Variants in CHLSN observed in about 807,000 individuals in gnomAD.
CHLSN encodes protein cholesin.
At chr7:990,828 G>A in the CHLSN span, among the ~76,000 whole-genome samples, 11 of 152,112 alleles carry the variant, frequency 7.2e-5, no homozygotes, top group Non-Finnish European at 1.2e-4. Flanking sequence ...GCGACGCCCC[G>A]CCCAGTGTGA....
At chr7:1,093,501 G>A in the CHLSN span, 892 of 470,556 alleles carry the variant, frequency 1.9e-3, 6 homozygotes, top group African/African-American at 0.011. Flanking sequence ...AGCAGCGCTC[G>A]GCCCGGAGCA....
chr7:1,108,329 G>A, the CHLSN span, among the ~76,000 whole-genome samples: 2 of 150,424 alleles, frequency 1.3e-5, no homozygotes, highest in Non-Finnish European at 3.0e-5. Context: ...CCCGCGCCCC[G>A]GGAGGAAGCA....
At chr7:1,012,029 G>A in the CHLSN span, among the ~76,000 whole-genome samples, 1 of 152,292 alleles carries the variant, frequency 6.6e-6, no homozygotes, top group Admixed American at 6.5e-5. Flanking sequence ...CCAGCTCCAT[G>A]CTCACCTCCT....
the CHLSN span, among the ~76,000 whole-genome samples, chr7:1,017,889 C>T: frequency 3.3e-5 from 5 of 152,236 alleles, no homozygotes; most frequent in Non-Finnish European, 7.3e-5. Context: ...GGCGCCTCGC[C>T]TTTCCCATGC....
chr7:1,052,415 TGAG>T, the CHLSN span, among the ~76,000 whole-genome samples: 2 of 151,700 alleles, frequency 1.3e-5, no homozygotes, highest in African/African-American at 4.8e-5. This position sits in a 1 kb window ranked among gnomAD's most constrained non-coding sequence, Gnocchi z 4.2. Flanking sequence ...TGGCAGGTCT[TGAG>T]GAGTCGTGGG....
At chr7:1,017,184 T>C in the CHLSN span, among the ~76,000 whole-genome samples, 38 of 152,140 alleles carry the variant, frequency 2.5e-4, no homozygotes, top group African/African-American at 9.2e-4. Context: ...AGGCTCAGGC[T>C]CCCTGGGGAA....
the CHLSN span, among the ~76,000 whole-genome samples, chr7:1,086,313 ACT>A: frequency 1.3e-5 from 2 of 152,128 alleles, no homozygotes; most frequent in African/African-American, 2.4e-5. Flanking sequence ...CTTTCTCATG[ACT>A]CACATCTTTC....
chr7:1,084,249 G>A, the CHLSN span, among the ~76,000 whole-genome samples: 16 of 152,356 alleles, frequency 1.1e-4, no homozygotes, highest in South Asian at 2.7e-3. Flanking sequence ...TCGGATGCCC[G>A]AGGGTGCTCC....
At chr7:983,168 G>C in the CHLSN span, 3 of 1,434,134 alleles carry the variant, frequency 2.1e-6, no homozygotes, top group Non-Finnish European at 2.8e-6. Context: ...GTGCGGGGGG[G>C]ACGGGGCCCA....
chr7:988,798 C>G, the CHLSN span: 4 of 1,590,114 alleles, frequency 2.5e-6, no homozygotes, highest in East Asian at 9.0e-5. Context: ...GGGCCCAGGC[C>G]CTGTGTGCGG....
the CHLSN span, among the ~76,000 whole-genome samples, chr7:1,001,940 G>A: frequency 1.2e-5 from 1 of 84,734 alleles, no homozygotes; most frequent in Admixed American, 1.2e-4. Flanking sequence ...TGCGGGTGGG[G>A]AGTCCTGTGG....
At chr7:1,095,426 TG>T in the CHLSN span, among the ~76,000 whole-genome samples, 2 of 152,124 alleles carry the variant, frequency 1.3e-5, no homozygotes, top group African/African-American at 4.8e-5. Context: ...GTGTTGCTGA[TG>T]GGGAAAAACC....
the CHLSN span, chr7:1,058,484 G>C: frequency 1.3e-6 from 1 of 780,122 alleles, no homozygotes; most frequent in Non-Finnish European, 2.4e-6. Flanking sequence ...ACTGCTCCCC[G>C]GACCACATGG....
chr7:1,001,646 T>C, the CHLSN span, among the ~76,000 whole-genome samples: 6 of 112,354 alleles, frequency 5.3e-5, no homozygotes, highest in East Asian at 3.0e-4. Flanking sequence ...GGGAGTCCTG[T>C]GGGTGAGTGG....
chr7:1,092,643 G>A, the CHLSN span: 46 of 1,612,614 alleles, frequency 2.9e-5, no homozygotes, highest in East Asian at 4.9e-4. Context: ...ACCCCCTCAC[G>A]GGCCACATTG....
chr7:1,132,145 G>C, the CHLSN span, among the ~76,000 whole-genome samples: 1 of 152,200 alleles, frequency 6.6e-6, no homozygotes, highest in East Asian at 1.9e-4. Context: ...CCTTGGATTA[G>C]GCAATGGCCT....
At chr7:1,041,140 G>T in the CHLSN span, among the ~76,000 whole-genome samples, 2 of 147,198 alleles carry the variant, frequency 1.4e-5, no homozygotes, top group African/African-American at 5.0e-5. Flanking sequence ...ACTGCAGGAG[G>T]GAGGGAGGCC....
At chr7:1,041,309 G>GCACTGCAGGGAACGGGACCTGGGC in the CHLSN span, among the ~76,000 whole-genome samples, 304 of 43,148 alleles carry the variant, frequency 7.0e-3, 27 homozygotes, top group Admixed American at 0.019. Context: ...GGGACCTGGG[G>GCACTGCAGGGAACGGGACCTGGGC]TCCGCGCTGC....
chr7:1,015,290 G>A, the CHLSN span, among the ~76,000 whole-genome samples: 6 of 151,876 alleles, frequency 4.0e-5, no homozygotes, highest in Admixed American at 6.6e-5. Flanking sequence ...TGGGCTCCCC[G>A]TCCCCCGGGC....
Sources: allele counts gnomAD v4.1 joint callset (sites outside exome capture counted in the v4.1 genomes callset), GRCh38; gene constraint gnomAD v4.1.1; non-coding constraint Gnocchi (gnomAD v3.1); transcripts MANE v1.5; gene names NCBI Gene and HGNC (gene_info 2026-07-23, HGNC 2026-07-21).